Variants in HOOK3 observed in about 807,000 individuals in gnomAD.
The protein encoded by HOOK3 is protein Hook homolog 3.
Under a neutral mutation model 116.3 loss-of-function variants are expected in HOOK3, and 24 were observed. The observed-to-expected ratio is 0.21, with a 90% CI of 0.15 to 0.29. HOOK3 has a LOEUF of 0.29. Ranked by LOEUF, HOOK3 falls within the 10% of genes least tolerant of loss-of-function variation. The probability of loss-of-function intolerance (pLI) is 1.00; values close to 1 mark genes in which losing one functional copy is unlikely to be tolerated. For missense variants in HOOK3, 632 were observed against 830.2 expected (o/e 0.76, Z 2.93); for synonymous variants, 275 against 283.0 (o/e 0.97, Z 0.28).
At position 42,973,451 on chromosome 8, in the gene HOOK3, G is replaced by A. The variant is rs774362492; in HGVS notation, c.1233+52G>A. On this transcript the variant is annotated intron_variant, in intron 12 of 21. Transcript: ENST00000307602. ...TTTTGAGCACTGCTAAAATTAAGGC[G>A]ATTATGTTTAATTCATGTTTGGCCA... is the stretch of plus-strand genomic sequence containing the variant. 6.2e-6 allele frequency: 7 copies of A among 1,136,576 alleles called. No individual in the cohort carries two copies. The South Asian group carries it at 8.9e-5, about 14-fold the overall frequency. 70.4% of individuals were successfully genotyped at this position (1,136,576 alleles called of 1,614,324 possible).
intron 4 of HOOK3, among the ~76,000 whole-genome samples, chr8:42,937,120 A>AG (rs1807986056): frequency 6.6e-6 from 1 of 151,786 alleles, no homozygotes; most frequent in Non-Finnish European, 1.5e-5. Context: ...TGTTTAGAGG[A>AG]TGTATGTGTC....
intron 19 of HOOK3, among the ~76,000 whole-genome samples, chr8:43,010,962 T>C (rs1809592740): frequency 2.6e-5 from 4 of 151,802 alleles, no homozygotes; most frequent in Admixed American, 2.6e-4. Context: ...GGCATTCATC[T>C]CTGAGTCCTG....
intron 2 of HOOK3, among the ~76,000 whole-genome samples, chr8:42,920,216 A>G (rs1419872930): frequency 6.6e-6 from 1 of 152,212 alleles, no homozygotes; most frequent in Non-Finnish European, 1.5e-5. Context: ...TTATTTACAT[A>G]TCTATGCAGA....
intron 7 of HOOK3, 33 bp from the exon 8 acceptor site, chr8:42,959,198 T>C (rs1375623335): frequency 7.3e-7 from 1 of 1,377,004 alleles, no homozygotes; most frequent in Non-Finnish European, 1.0e-6. Context: ...TACCACTTCA[T>C]ATTAAAATGT....
intron 16 of HOOK3, 115 bp downstream of exon 16, chr8:42,997,752 A>G (rs1384805021): frequency 4.3e-6 from 3 of 699,570 alleles, no homozygotes; most frequent in Non-Finnish European, 7.8e-6. Context: ...TTGGTTATAG[A>G]AAAGAAATAG....
intron 3 of HOOK3, among the ~76,000 whole-genome samples, chr8:42,927,287 C>T (rs1471079187): frequency 7.3e-5 from 9 of 123,966 alleles, no homozygotes; most frequent in South Asian, 2.6e-4. Flanking sequence ...GAGACAGTCT[C>T]ACCTTGTCAC....
At chr8:42,955,004 C>T (rs1808408457) in intron 6 of HOOK3, among the ~76,000 whole-genome samples, 1 of 152,178 alleles carries the variant, frequency 6.6e-6, no homozygotes, top group South Asian at 2.1e-4. Context: ...GAAAATGAGG[C>T]TGCTGGCTGG....
At chr8:42,923,293 C>T (rs1269011797) in intron 2 of HOOK3, among the ~76,000 whole-genome samples, 2 of 152,188 alleles carry the variant, frequency 1.3e-5, no homozygotes, top group Non-Finnish European at 2.9e-5. Flanking sequence ...GGCCTTGCCT[C>T]ACATGACCCA....
chr8:42,991,760 T>C (rs1809165508), intron 15 of HOOK3, among the ~76,000 whole-genome samples: 1 of 152,054 alleles, frequency 6.6e-6, no homozygotes, highest in East Asian at 1.9e-4. Flanking sequence ...TGTTTTTTTT[T>C]TCCTTTTAGT....
At chr8:42,898,801 G>A (rs73635325) in intron 1 of HOOK3, among the ~76,000 whole-genome samples, 7,033 of 152,260 alleles carry the variant, frequency 0.046, 322 homozygotes, top group African/African-American at 0.11. Context: ...TGAAAATACC[G>A]TAAGTTGAAA....
At chr8:42,906,328 TAAA>T in intron 2 of HOOK3, 70 bp downstream of exon 2, 1 of 1,119,520 alleles carries the variant, frequency 8.9e-7, no homozygotes, top group Non-Finnish European at 1.4e-6. Context: ...AAACATGGAT[TAAA>T]AAAGTACTTA....
intron 2 of HOOK3, among the ~76,000 whole-genome samples, chr8:42,913,487 A>G (rs1049093572): frequency 1.3e-5 from 2 of 152,208 alleles, no homozygotes; most frequent in Admixed American, 6.5e-5. Context: ...CATTGTATGG[A>G]TATACCACAA....
intron 17 of HOOK3, among the ~76,000 whole-genome samples, chr8:43,003,481 C>A (rs1042719471): frequency 1.3e-5 from 2 of 152,120 alleles, no homozygotes; most frequent in South Asian, 2.1e-4. Context: ...AAATATAATA[C>A]CTGTCATTTC....
At chr8:42,966,684 C>G (rs1808638806) in intron 10 of HOOK3, 71 bp downstream of exon 10, 2 of 1,526,688 alleles carry the variant, frequency 1.3e-6, no homozygotes, top group Non-Finnish European at 8.9e-7. Context: ...TTCTGAGGAT[C>G]TAGCAAACTT....
chr8:42,953,334 G>A (rs1018196625), intron 6 of HOOK3, among the ~76,000 whole-genome samples: 1 of 151,608 alleles, frequency 6.6e-6, no homozygotes, highest in Non-Finnish European at 1.5e-5. Flanking sequence ...GGGAGGTTGA[G>A]GTGGGTGGAT....
intron 3 of HOOK3, among the ~76,000 whole-genome samples, chr8:42,928,810 G>A (rs941916927): frequency 6.6e-5 from 10 of 152,192 alleles, no homozygotes. Flanking sequence ...GGGAGGCCAA[G>A]GTGGGCGAAT....
chr8:42,961,223 G>C (rs1285314760), intron 8 of HOOK3, among the ~76,000 whole-genome samples: 2 of 152,208 alleles, frequency 1.3e-5, no homozygotes, highest in African/African-American at 2.4e-5. Context: ...ATGAGATTTG[G>C]AGGGGATAAA....
chr8:42,902,382 C>G (rs1034027037), intron 1 of HOOK3, among the ~76,000 whole-genome samples: 5 of 151,888 alleles, frequency 3.3e-5, no homozygotes, highest in Admixed American at 1.3e-4. Flanking sequence ...AGTGATCCTC[C>G]CACCTCCGCC....
intron 4 of HOOK3, among the ~76,000 whole-genome samples, chr8:42,939,856 C>T (rs1384673133): frequency 4.7e-5 from 7 of 148,014 alleles, no homozygotes; most frequent in Non-Finnish European, 1.0e-4. Flanking sequence ...GGCGGCAGGG[C>T]AGAGGCGCTC....
Sources: gnomAD v4.1 joint callset for allele counts (sites outside exome capture counted in the v4.1 genomes callset) on GRCh38, gnomAD v4.1.1 for gene constraint, MANE v1.5 for transcripts, NCBI Gene and HGNC (gene_info 2026-07-23, HGNC 2026-07-21) for gene names.